Variants in EIF3J observed in about 807,000 individuals in gnomAD.
EIF3J encodes the protein eukaryotic translation initiation factor 3, subunit 1 (alpha, 35kD).
In EIF3J, 15 loss-of-function variants were observed where a neutral mutation model predicts 39.0. The ratio of observed to expected loss-of-function variants is 0.38; its 90% CI spans 0.26 to 0.59. EIF3J has a LOEUF of 0.59. EIF3J is among the 20% of genes least tolerant of loss of function. EIF3J has a pLI of 0.60. For missense variants in EIF3J, 226 were observed against 308.6 expected (o/e 0.73, Z 2.00); for synonymous variants, 98 against 112.9 (o/e 0.87, Z 0.84).
chr15:44,557,778 A>G (rs2082157560), intron 6 of EIF3J, 128 bp downstream of exon 6: 2 of 620,712 alleles, frequency 3.2e-6, no homozygotes, highest in Middle Eastern at 3.2e-4. Flanking sequence ...GTTTTTAGCA[A>G]TTACCTTGTG....
chr15:44,544,570 A>G (rs1475622502), intron 2 of EIF3J, among the ~76,000 whole-genome samples: 1 of 151,684 alleles, frequency 6.6e-6, no homozygotes, highest in Admixed American at 6.6e-5. Context: ...AGTTCGTGGT[A>G]GCACATGCCT....
chr15:44,560,379 A>G (rs1447289111), intron 7 of EIF3J, 57 bp downstream of exon 7: 9 of 1,491,820 alleles, frequency 6.0e-6, no homozygotes, highest in South Asian at 1.2e-5. Context: ...TTATAGGTCT[A>G]ACAGTCAACA....
rs75929908 is a variant in EIF3J at position 44,548,569 on chromosome 15, A to G, written c.148-2307A>G. ...GTATCTTAAAATGTTTTTTGCTGCA[A>G]TAGAATGCAATAGACTGGGTATTGT... On this transcript the variant is annotated intron_variant, in intron 2 of 7. Coordinates refer to ENST00000261868, the MANE Select transcript of EIF3J (RefSeq NM_003758.4). 1.5e-3 allele frequency among the ~76,000 whole-genome samples: 230 copies of G among 152,312 alleles called. 1 individual carries two copies. Among genetic ancestry groups the G allele is most frequent in the African/African-American group, 5.1e-3 (214 of 41,582 alleles).
chr15:44,543,534 C>T (rs2082028952), intron 2 of EIF3J, among the ~76,000 whole-genome samples: 1 of 151,952 alleles, frequency 6.6e-6, no homozygotes, highest in Non-Finnish European at 1.5e-5. Context: ...CTGCCTCAGC[C>T]TCCCAAGTAG....
At chr15:44,555,542 C>T (rs988861918) in intron 5 of EIF3J, among the ~76,000 whole-genome samples, 2 of 152,142 alleles carry the variant, frequency 1.3e-5, no homozygotes, top group African/African-American at 4.8e-5. Flanking sequence ...CTCCTGTGCA[C>T]CATTGTATGC....
rs377707816 is a variant in EIF3J at position 44,561,190 on chromosome 15, A to G, written c.*41A>G. On this transcript the variant is annotated 3_prime_UTR_variant, in exon 8 of 8. Transcript: ENST00000261868. ...TGGTGTCATCTTTATGTTGCCCACA[A>G]TCCCTTGAACATGTAGCACAACTTC... The G allele has an allele frequency of 3.5e-4, 557 of 1,591,368 alleles. 2 individuals carry two copies. Among genetic ancestry groups the G allele is most frequent in the Non-Finnish European group, 4.5e-4 (529 of 1,171,334 alleles).
In EIF3J at chr15:44,562,010, TTGTTA is replaced by T. The variant is rs1489138539; in HGVS notation, c.*867_*871del. 4.6e-5 allele frequency: 7 copies of T among 152,630 alleles called. No homozygotes were observed. Among genetic ancestry groups the T allele is most frequent in the African/African-American group, 1.4e-4 (6 of 41,454 alleles). The allele number at this position is 152,630 out of a possible 1,614,324, so 9.5% of individuals were successfully genotyped here. On this transcript the variant is annotated 3_prime_UTR_variant, in exon 8 of 8. Coordinates refer to ENST00000261868, the MANE Select transcript of EIF3J (RefSeq NM_003758.4). The stretch of plus-strand genomic sequence containing the variant: ...CACCAGTTAACTACAGTTTGGTAAA[TTGTTA>T]TGTTAACAATTATGACATCTGCAAT...
Position 44,537,164 on chromosome 15 carries a change from C to A in EIF3J, c.-31C>A, listed in dbSNP as rs748541697. On this transcript the variant is annotated 5_prime_UTR_variant, in exon 1 of 8. Transcript: ENST00000261868. ...GCCGTGCTAACTCCTCGCTAGCTCT[C>A]CCTCTCACACACGCTCACACCCGGC... The A allele has an allele frequency of 2.5e-6, 4 of 1,613,172 alleles. No homozygotes were observed. The highest frequency in any genetic ancestry group is 1.1e-5 in the South Asian group (1 of 91,050).
chr15:44,554,085 A>ACAT (rs928908059), intron 4 of EIF3J, among the ~76,000 whole-genome samples: 2 of 152,074 alleles, frequency 1.3e-5, no homozygotes, highest in African/African-American at 4.8e-5. Context: ...GGTTAAGGAT[A>ACAT]CCTAAAGTGG....
intron 2 of EIF3J, 104 bp downstream of exon 2, chr15:44,537,531 A>G: frequency 8.2e-7 from 1 of 1,222,122 alleles, no homozygotes; most frequent in Non-Finnish European, 1.1e-6. Flanking sequence ...CCGTGGGTCC[A>G]GGCGCGAGCA....
In EIF3J at chr15:44,561,221, CT is replaced by C; in HGVS notation, c.*75del. 1 of 1,515,152 alleles carries C rather than the reference CT, an allele frequency of 6.6e-7. No homozygotes were observed. Among genetic ancestry groups the C allele is most frequent in the South Asian group, 1.2e-5 (1 of 81,724 alleles). The allele number at this position is 1,515,152 out of a possible 1,614,324, so 93.9% of individuals were successfully genotyped here. On this transcript the variant is annotated 3_prime_UTR_variant, in exon 8 of 8. Transcript: ENST00000261868. Reference sequence around the variant, plus strand: ...TGAACATGTAGCACAACTTCCTTTCCTTTCAGTTCTGCCAAATGCTACAATC... The same window carrying C: ...TGAACATGTAGCACAACTTCCTTTCCTTCAGTTCTGCCAAATGCTACAATC...
At chr15:44,557,930 A>G (rs903883210) in intron 6 of EIF3J, 10 of 200,244 alleles carry the variant, frequency 5.0e-5, no homozygotes, top group African/African-American at 1.6e-4. Context: ...ACACTGGCCT[A>G]TTCTTTTTAT....
Position 44,557,586 on chromosome 15 carries a change from A to G in EIF3J, c.507A>G (p.Gln169=), listed in dbSNP as rs2082156131. The G allele has an allele frequency of 6.5e-7, 1 of 1,546,980 alleles. No homozygotes were observed. The highest frequency in any genetic ancestry group is 1.4e-5 in the African/African-American group (1 of 72,288). The change falls in exon 6 of 8, where the codon CAA becomes CAG. Residue 169 remains glutamine (Q), a synonymous_variant. Transcript: ENST00000261868. Reference sequence around the variant, plus strand: ...AGTTACTAAAAGATAAAATTACACAATATGAAAAGTCACTATATTATGCCA... The same window carrying G: ...AGTTACTAAAAGATAAAATTACACAGTATGAAAAGTCACTATATTATGCCA... ...FGKLLKDKIT[Q]YEKSLYYASF...
rs375713726 is a variant in EIF3J at position 44,553,015 on chromosome 15, G to A, written c.294+1493G>A. Among the ~76,000 whole-genome samples the A allele has an allele frequency of 1.6e-4, 24 of 151,884 alleles. No homozygotes were observed. In the East Asian group the frequency reaches 4.3e-3, roughly 27 times the overall value. On this transcript the variant is annotated intron_variant, in intron 4 of 7. Coordinates refer to ENST00000261868, the MANE Select transcript of EIF3J (RefSeq NM_003758.4). ...AGCCTGGACAACATAGGGAGACCCC[G>A]TCTCTACAAAAAATAGAAAAATAAG...
intron 7 of EIF3J, 130 bp downstream of exon 7, chr15:44,560,452 C>T: frequency 1.3e-6 from 1 of 788,818 alleles, no homozygotes; most frequent in Admixed American, 3.1e-5. Flanking sequence ...TTAAGTTAGA[C>T]TAGAAGAGGA....
At chr15:44,552,670 TC>T (rs2082110106) in intron 4 of EIF3J, among the ~76,000 whole-genome samples, 2 of 152,232 alleles carry the variant, frequency 1.3e-5, no homozygotes, top group African/African-American at 4.8e-5. Flanking sequence ...CAAGTGATTC[TC>T]CTGCCTCAGT....
rs1442533438 is a variant in EIF3J, at chr15:44,540,587, C to T, written c.147+3160C>T. Among the ~76,000 whole-genome samples, 4 of 151,794 alleles carry T rather than the reference C, an allele frequency of 2.6e-5. No individual in the cohort carries two copies. The East Asian group carries it at 7.7e-4, about 29-fold the overall frequency. ...TGCACCTGGCCTATTTATTTTGAGA[C>T]AGATTTGTGAGACTGGCTAATTTTT... is the stretch of plus-strand genomic sequence containing the variant. On this transcript the variant is annotated intron_variant, in intron 2 of 7. Coordinates refer to ENST00000261868, the MANE Select transcript of EIF3J (RefSeq NM_003758.4).
At chr15:44,555,722 C>G (rs1333233911) in intron 5 of EIF3J, among the ~76,000 whole-genome samples, 1 of 152,192 alleles carries the variant, frequency 6.6e-6, no homozygotes, top group Non-Finnish European at 1.5e-5. Context: ...TAAAAACATG[C>G]ATTCATATAG....
chr15:44,537,367 G>C lies in EIF3J; in HGVS notation c.87G>C (p.Gly29=), dbSNP rs1567114069. The part of the protein sequence containing the change: ...FSVEDPVRKV[G]GGGTAGGDRW... ...TGGAAGACCCAGTGCGGAAGGTGGG[G>C]GGCGGCGGCACTGCCGGCGGGGACC... Residue 29 remains glycine, a synonymous_variant, in exon 2 of 8, where the codon GGG becomes GGC. Transcript: ENST00000261868. 5 of 1,568,292 alleles carry C rather than the reference G, an allele frequency of 3.2e-6. No individual in the cohort carries two copies. Among genetic ancestry groups the C allele is most frequent in the Non-Finnish European group, 3.5e-6 (4 of 1,156,396 alleles).
Sources: allele counts gnomAD v4.1 joint callset (sites outside exome capture counted in the v4.1 genomes callset), GRCh38; gene constraint gnomAD v4.1.1; transcripts MANE v1.5; gene names NCBI Gene and HGNC (gene_info 2026-07-23, HGNC 2026-07-21).